Variants in ANKS1A observed in about 807,000 individuals in gnomAD.
ANKS1A encodes ankyrin repeat and sterile alpha motif domain containing 1A.
In ANKS1A, 55 loss-of-function variants were observed where a neutral mutation model predicts 120.3. The ratio of observed to expected loss-of-function variants is 0.46; its 90% CI spans 0.37 to 0.57. ANKS1A has a LOEUF of 0.57. Among genes scored for constraint, ANKS1A ranks in the 20% least tolerant of loss-of-function variants. The pLI is 0.00. For synonymous variants in ANKS1A, 590 were observed against 604.7 expected (o/e 0.98, Z 0.36); for missense variants, 1,123 against 1,480.3 (o/e 0.76, Z 3.96).
At position 35,058,019 on chromosome 6, in the gene ANKS1A, A is replaced by T. The variant is rs185548455; in HGVS notation, c.2078-2128A>T. The stretch of plus-strand genomic sequence containing the variant: ...CTTCATATGCATTTGTGCAGCCAAC[A>T]TCGGCTATTGGGAAATCTGTCATTT... On this transcript the variant is annotated intron_variant, in intron 12 of 23. Transcript: ENST00000360359. The surrounding 1 kb of genome is among the most constrained non-coding windows in gnomAD (Gnocchi z 5.1). Among the ~76,000 whole-genome samples the T allele has an allele frequency of 1.3e-5, 2 of 152,322 alleles. No homozygotes were observed. The highest frequency in any genetic ancestry group is 3.9e-4 in the East Asian group (2 of 5,184).
chr6:35,088,155 C>T (rs938009550), intron 23 of ANKS1A, among the ~76,000 whole-genome samples: 1 of 152,244 alleles, frequency 6.6e-6, no homozygotes, highest in African/African-American at 2.4e-5. Flanking sequence ...CTCCCTCAGC[C>T]TCCTGACTCC....
rs1775637740 is a variant in ANKS1A at position 35,044,818 on chromosome 6, C to T, written c.2011-9281C>T. Among the ~76,000 whole-genome samples the T allele has an allele frequency of 6.6e-6, 1 of 152,154 alleles. No homozygotes were observed. The highest frequency in any genetic ancestry group is 2.1e-4 in the South Asian group (1 of 4,822). Reference sequence around the variant, plus strand: ...GATAGAATTTTGTTTATTTTGGAACCAGATAAATGTGAATGGCAAGTACAA... The same window carrying T: ...GATAGAATTTTGTTTATTTTGGAACTAGATAAATGTGAATGGCAAGTACAA... On this transcript the variant is annotated intron_variant, in intron 11 of 23. Coordinates refer to ENST00000360359, the MANE Select transcript of ANKS1A (RefSeq NM_015245.3). This position sits in a 1 kb window ranked among gnomAD's most constrained non-coding sequence, Gnocchi z 4.4.
intron 13 of ANKS1A, among the ~76,000 whole-genome samples, chr6:35,068,535 G>T (rs1264297843): frequency 6.6e-6 from 1 of 152,192 alleles, no homozygotes; most frequent in Non-Finnish European, 1.5e-5. Context: ...CCCTACTCTT[G>T]GTTAGCGGAA....
chr6:34,933,183 G>A (rs1351424270), intron 1 of ANKS1A, among the ~76,000 whole-genome samples: 3 of 152,174 alleles, frequency 2.0e-5, no homozygotes, highest in Non-Finnish European at 4.4e-5. Flanking sequence ...TTCTGTTGTT[G>A]AGTTGTATGA....
Position 35,028,196 on chromosome 6 carries a change from T to C in ANKS1A, c.2010+10137T>C, listed in dbSNP as rs77024095. On this transcript the variant is annotated intron_variant, in intron 11 of 23. Coordinates refer to ENST00000360359, the MANE Select transcript of ANKS1A (RefSeq NM_015245.3). ...TTCAACAGAACTTCCCCCAAAAGCATGGAAGAGCCTTATATCCATTATGCA... is the reference window on the plus strand; with the variant it reads ...TTCAACAGAACTTCCCCCAAAAGCACGGAAGAGCCTTATATCCATTATGCA... Among the ~76,000 whole-genome samples, 88 of 152,342 alleles carry C rather than the reference T, an allele frequency of 5.8e-4. No individual in the cohort carries two copies. In the East Asian group the frequency reaches 0.013, roughly 23 times the overall value.
At position 35,058,680 on chromosome 6, in the gene ANKS1A, G is replaced by A. The variant is rs1225101946; in HGVS notation, c.2078-1467G>A. On this transcript the variant is annotated intron_variant, in intron 12 of 23. Transcript: ENST00000360359. This position sits in a 1 kb window ranked among gnomAD's most constrained non-coding sequence, Gnocchi z 5.1. ...ACCGTGTCAGGAGTTCACTGGAGGT[G>A]ATGTGTTTATAGTTGGTTCTTCCTT... 1.3e-5 allele frequency: 2 copies of A among 152,320 alleles called. No individual in the cohort carries two copies. The highest frequency in any genetic ancestry group is 4.8e-5 in the African/African-American group (2 of 41,460). 9.4% of individuals were successfully genotyped at this position (152,320 alleles called of 1,614,324 possible). A position where few individuals can be genotyped will look rare whatever the true frequency, so the allele number is the denominator to read the frequency against.
intron 11 of ANKS1A, among the ~76,000 whole-genome samples, chr6:35,043,512 T>C (rs1488687743): frequency 6.6e-6 from 1 of 152,000 alleles, no homozygotes; most frequent in Non-Finnish European, 1.5e-5. Context: ...GTGAAGGTGG[T>C]TTGAGAGTTT....
intron 1 of ANKS1A, among the ~76,000 whole-genome samples, chr6:34,951,921 TG>T (rs2127493735): frequency 6.6e-6 from 1 of 152,144 alleles, no homozygotes; most frequent in South Asian, 2.1e-4. Context: ...CCTGGGACCC[TG>T]GAGGGAAAGA....
At chr6:35,053,984 C>T (rs1776085898) in intron 11 of ANKS1A, 115 bp from the exon 12 acceptor site, 1 of 803,842 alleles carries the variant, frequency 1.2e-6, no homozygotes, top group Admixed American at 1.9e-5. Context: ...TGGTGCTGGT[C>T]CTGGGAAGCA....
intron 11 of ANKS1A, among the ~76,000 whole-genome samples, chr6:35,020,678 C>T (rs1318134473): frequency 6.6e-6 from 1 of 152,188 alleles, no homozygotes; most frequent in Non-Finnish European, 1.5e-5. Flanking sequence ...TCCACTGTTT[C>T]CTCCTGGCCA....
intron 1 of ANKS1A, among the ~76,000 whole-genome samples, chr6:34,898,801 C>T (rs1395091760): frequency 6.6e-6 from 1 of 151,910 alleles, no homozygotes; most frequent in Non-Finnish European, 1.5e-5. Context: ...TGTGAAAACA[C>T]TTTCCTATAT....
intron 12 of ANKS1A, among the ~76,000 whole-genome samples, chr6:35,059,425 C>T (rs950829472): frequency 6.6e-6 from 1 of 152,234 alleles, no homozygotes; most frequent in Admixed American, 6.5e-5. Context: ...GCACAAAGGG[C>T]CGGTGGCCAT....
chr6:35,085,684 C>G lies in ANKS1A; in HGVS notation c.3133-82C>G. ...TCCCGGGTAGACTTAGAGGGGGACA[C>G]ATGGTCCCTGCGAGGAAGGGCATAT... On this transcript the variant is annotated intron_variant, in intron 21 of 23. Transcript: ENST00000360359. This position sits in a 1 kb window ranked among gnomAD's most constrained non-coding sequence, Gnocchi z 4.7. The G allele has an allele frequency of 7.0e-7, 1 of 1,425,470 alleles. No homozygotes were observed. The highest frequency in any genetic ancestry group is 9.4e-7 in the Non-Finnish European group (1 of 1,064,180). The allele number at this position is 1,425,470 out of a possible 1,614,324, so 88.3% of individuals were successfully genotyped here. A position where few individuals can be genotyped will look rare whatever the true frequency, so the allele number is the denominator to read the frequency against.
intron 11 of ANKS1A, among the ~76,000 whole-genome samples, chr6:35,020,078 G>C: frequency 6.6e-6 from 1 of 151,934 alleles, no homozygotes; most frequent in East Asian, 1.9e-4. Context: ...TGTGTGTAAG[G>C]GCAGAATGAG....
rs1777918892 is a variant in ANKS1A, at chr6:35,085,607, TAGGAAGAG to T, written c.3133-158_3133-151del. ...TAGAGCGGGAAGAACAACAGAGACC[TAGGAAGAG>T]TAAAGGAGGGAAAGGAGGGAAGAGT... On this transcript the variant is annotated intron_variant, in intron 21 of 23. Coordinates refer to ENST00000360359, the MANE Select transcript of ANKS1A (RefSeq NM_015245.3). This position sits in a 1 kb window ranked among gnomAD's most constrained non-coding sequence, Gnocchi z 4.7. Among the ~76,000 whole-genome samples the T allele has an allele frequency of 1.5e-5, 1 of 66,286 alleles. No individual in the cohort carries two copies. Among genetic ancestry groups the T allele is most frequent in the Admixed American group, 2.0e-4 (1 of 4,928 alleles). 43.5% of individuals were successfully genotyped at this position (66,286 alleles called of 152,430 possible). A position where few individuals can be genotyped will look rare whatever the true frequency, so the allele number is the denominator to read the frequency against.
chr6:34,997,551 C>T (rs1772922051), intron 10 of ANKS1A, among the ~76,000 whole-genome samples: 1 of 152,088 alleles, frequency 6.6e-6, no homozygotes, highest in Admixed American at 6.6e-5. Context: ...AACACTAATG[C>T]CCTCTCTAGT....
At chr6:35,047,372 G>C (rs1775764883) in intron 11 of ANKS1A, among the ~76,000 whole-genome samples, 1 of 152,112 alleles carries the variant, frequency 6.6e-6, no homozygotes. Flanking sequence ...TCTTTGGCCT[G>C]GTTTTATCCA....
rs192150362 is a variant in ANKS1A at position 34,986,315 on chromosome 6, T to G, written c.1209+1037T>G. On this transcript the variant is annotated intron_variant, in intron 8 of 23. Coordinates refer to ENST00000360359, the MANE Select transcript of ANKS1A (RefSeq NM_015245.3). ...CCTTGTACATTGTTCTCAAGATAAC[T>G]TACCCCTGGCTTCTCCCCTAGGGTT... is the stretch of plus-strand genomic sequence containing the variant. 9.1e-3 allele frequency among the ~76,000 whole-genome samples: 1,388 copies of G among 152,318 alleles called. 23 individuals carry two copies. The highest frequency in any genetic ancestry group is 0.031 in the African/African-American group (1,302 of 41,556).
intron 11 of ANKS1A, among the ~76,000 whole-genome samples, chr6:35,047,760 G>A (rs552697672): frequency 1.3e-5 from 2 of 152,314 alleles, no homozygotes; most frequent in Non-Finnish European, 2.9e-5. Context: ...GGCGCTTTGA[G>A]TAAAAGATTA....
Sources: allele counts gnomAD v4.1 joint callset (sites outside exome capture counted in the v4.1 genomes callset), GRCh38; gene constraint gnomAD v4.1.1; non-coding constraint Gnocchi (gnomAD v3.1); transcripts MANE v1.5; gene names NCBI Gene and HGNC (gene_info 2026-07-23, HGNC 2026-07-21).